PDIK1L: variants seen among roughly 807,000 people sequenced by gnomAD.
PDIK1L encodes serine/threonine-protein kinase PDIK1L.
In PDIK1L, 9 loss-of-function variants were observed where a neutral mutation model predicts 27.1. The observed-to-expected ratio is 0.33, with a 90% CI of 0.20 to 0.58. PDIK1L has a LOEUF of 0.58. PDIK1L is among the 20% of genes least tolerant of loss of function. PDIK1L has a pLI of 0.86. For missense variants in PDIK1L, 216 were observed against 413.2 expected (o/e 0.52, Z 4.14); for synonymous variants, 130 against 141.7 (o/e 0.92, Z 0.59).
At chr1:26,117,878 G>A (rs1241389848) in intron 2 of PDIK1L, among the ~76,000 whole-genome samples, 1 of 152,006 alleles carries the variant, frequency 6.6e-6, no homozygotes, top group Non-Finnish European at 1.5e-5. Context: ...GGGCAACATG[G>A]CAAAACCCCA....
chr1:26,113,587 CAA>C (rs1397811847), intron 1 of PDIK1L, among the ~76,000 whole-genome samples: 2 of 148,606 alleles, frequency 1.3e-5, no homozygotes, highest in East Asian at 3.9e-4. Flanking sequence ...ACATAAGAGA[CAA>C]AATTAAAATA....
chr1:26,121,599 T>C (rs1236467422), intron 2 of PDIK1L, among the ~76,000 whole-genome samples: 9 of 152,190 alleles, frequency 5.9e-5, no homozygotes. Context: ...AATAAAGCTA[T>C]TTTAAAATTT....
upstream of PDIK1L, chr1:26,111,797 G>C (rs2087799215): frequency 6.6e-6 from 1 of 151,566 alleles, no homozygotes; most frequent in Non-Finnish European, 1.5e-5. This position sits in a 1 kb window ranked among gnomAD's most constrained non-coding sequence, Gnocchi z 4.0. Context: ...GTGTCCGCGC[G>C]CACCACGGGG....
intron 2 of PDIK1L, among the ~76,000 whole-genome samples, chr1:26,120,837 G>T (rs1405421111): frequency 6.6e-6 from 1 of 151,722 alleles, no homozygotes; most frequent in Non-Finnish European, 1.5e-5. Flanking sequence ...CTGTAGTCTC[G>T]GCTACTTGGG....
Position 26,122,774 on chromosome 1 carries a change from C to A in PDIK1L, c.*197C>A. On this transcript the variant is annotated 3_prime_UTR_variant, in exon 3 of 3. Coordinates refer to ENST00000374269, the MANE Select transcript of PDIK1L (RefSeq NM_152835.5). This position sits in a 1 kb window ranked among gnomAD's most constrained non-coding sequence, Gnocchi z 5.4. ...TTAGTATGTTTCAAATGTGTATTAC[C>A]AATGTGGGTGTAAATTTTTAAAAAA... 2.0e-6 allele frequency: 1 copy of A among 497,972 alleles called. No homozygotes were observed. Among genetic ancestry groups the A allele is most frequent in the Non-Finnish European group, 3.2e-6 (1 of 311,922 alleles). 30.8% of individuals were successfully genotyped at this position (497,972 alleles called of 1,614,324 possible). A position where few individuals can be genotyped will look rare whatever the true frequency, so the allele number is the denominator to read the frequency against.
intron 2 of PDIK1L, among the ~76,000 whole-genome samples, chr1:26,119,554 A>T (rs1442391963): frequency 1.3e-5 from 2 of 151,944 alleles, no homozygotes; most frequent in Non-Finnish European, 2.9e-5. Flanking sequence ...AGCAAAACAC[A>T]TGAAGTGTTT....
In PDIK1L at chr1:26,125,269, C is replaced by T. The variant is rs1406284833; in HGVS notation, c.*2692C>T. 6.6e-6 allele frequency: 1 copy of T among 152,568 alleles called. No homozygotes were observed. The highest frequency in any genetic ancestry group is 1.9e-4 in the East Asian group (1 of 5,194). 9.5% of individuals were successfully genotyped at this position (152,568 alleles called of 1,614,324 possible). On this transcript the variant is annotated 3_prime_UTR_variant, in exon 3 of 3. Coordinates refer to ENST00000374269, the MANE Select transcript of PDIK1L (RefSeq NM_152835.5). ...CAGATAAATAGCACACAGAATAGTT[C>T]TTTCTGCTGGTCTGTTTTTTCTCTT...
At chr1:26,117,493 T>C (rs2087899852) in intron 2 of PDIK1L, among the ~76,000 whole-genome samples, 1 of 152,236 alleles carries the variant, frequency 6.6e-6, no homozygotes, top group African/African-American at 2.4e-5. Flanking sequence ...AGGCCAGGCA[T>C]GATGGTTCAC....
chr1:26,119,453 T>C (rs1009262860), intron 2 of PDIK1L, among the ~76,000 whole-genome samples: 5 of 151,926 alleles, frequency 3.3e-5, no homozygotes, highest in Admixed American at 2.0e-4. Flanking sequence ...ATATATATAA[T>C]TGTCTAAAAC....
chr1:26,117,923 G>A (rs1457167987), intron 2 of PDIK1L, among the ~76,000 whole-genome samples: 1 of 151,996 alleles, frequency 6.6e-6, no homozygotes, highest in Non-Finnish European at 1.5e-5. Flanking sequence ...AGCTGGGTGT[G>A]GTGGCACACA....
chr1:26,122,271 C>T lies in PDIK1L; in HGVS notation c.720C>T (p.Ile240=). 6.2e-7 allele frequency: 1 copy of T among 1,614,190 alleles called. No homozygotes were observed. ...WEGHYTAKAD[I]FALGIIIWAM... Reference sequence around the variant, plus strand: ...GACATTACACAGCAAAAGCTGACATCTTTGCTCTGGGGATTATCATCTGGG... The same window carrying T: ...GACATTACACAGCAAAAGCTGACATTTTTGCTCTGGGGATTATCATCTGGG... The change falls in exon 3 of 3, where the codon ATC becomes ATT. Residue 240 remains isoleucine, a synonymous_variant. Transcript: ENST00000374269. This position sits in a 1 kb window ranked among gnomAD's most constrained non-coding sequence, Gnocchi z 5.4.
chr1:26,116,528 AAAC>A (rs1184149567), intron 2 of PDIK1L, among the ~76,000 whole-genome samples: 1 of 152,226 alleles, frequency 6.6e-6, no homozygotes, highest in Non-Finnish European at 1.5e-5. Flanking sequence ...ACAAAAAAGA[AAAC>A]AAAACCTCTG....
At chr1:26,115,788 C>T (rs1458300865) in intron 2 of PDIK1L, among the ~76,000 whole-genome samples, 3 of 149,134 alleles carry the variant, frequency 2.0e-5, no homozygotes, top group African/African-American at 5.0e-5. Context: ...GGCAACTGAG[C>T]GAGACTCCGT....
chr1:26,120,588 C>T (rs1448038053), intron 2 of PDIK1L, among the ~76,000 whole-genome samples: 1 of 152,226 alleles, frequency 6.6e-6, no homozygotes, highest in Non-Finnish European at 1.5e-5. Context: ...ATTCACTCTT[C>T]AGCAACTCTT....
chr1:26,115,736 A>G (rs1178287498), intron 2 of PDIK1L, among the ~76,000 whole-genome samples: 1 of 151,872 alleles, frequency 6.6e-6, no homozygotes, highest in East Asian at 1.9e-4. Flanking sequence ...GGGGAGGCGG[A>G]GCTTGCCGTG....
chr1:26,111,211 G>T, upstream of PDIK1L: 1 of 156,088 alleles, frequency 6.4e-6, no homozygotes, highest in Non-Finnish European at 1.4e-5. The surrounding 1 kb of genome is among the most constrained non-coding windows in gnomAD (Gnocchi z 4.0). Flanking sequence ...CGCCGTCTCC[G>T]CAACTGCACC....
At chr1:26,119,316 G>A (rs1557596417) in intron 2 of PDIK1L, among the ~76,000 whole-genome samples, 1 of 152,090 alleles carries the variant, frequency 6.6e-6, no homozygotes, top group East Asian at 1.9e-4. Context: ...GCTGAGGCAG[G>A]AGGATCATTT....
intron 2 of PDIK1L, among the ~76,000 whole-genome samples, chr1:26,116,488 C>T (rs1287663436): frequency 2.6e-5 from 4 of 152,212 alleles, no homozygotes; most frequent in Non-Finnish European, 5.9e-5. Context: ...GCACTGCAGC[C>T]TGGGTGACAG....
rs2088024862 is a variant in PDIK1L, at chr1:26,123,333, A to T, written c.*756A>T. The T allele has an allele frequency of 6.6e-6, 1 of 152,204 alleles. No homozygotes were observed. The highest frequency in any genetic ancestry group is 2.4e-5 in the African/African-American group (1 of 41,450). 9.4% of individuals were successfully genotyped at this position (152,204 alleles called of 1,614,324 possible). On this transcript the variant is annotated 3_prime_UTR_variant, in exon 3 of 3. Coordinates refer to ENST00000374269, the MANE Select transcript of PDIK1L (RefSeq NM_152835.5). ...TATAGCTGCAAGAGTTGAATTAGTC[A>T]TGCAGTCATATGGCAGCAGGTTGGT...
Sources: gnomAD v4.1 joint callset for allele counts (sites outside exome capture counted in the v4.1 genomes callset) on GRCh38, gnomAD v4.1.1 for gene constraint, Gnocchi (gnomAD v3.1) non-coding constraint, MANE v1.5 for transcripts, NCBI Gene and HGNC (gene_info 2026-07-23, HGNC 2026-07-21) for gene names.